The following LRFN5 variants were observed in gnomAD, a reference collection of about 807,000 sequenced individuals.
LRFN5 encodes the protein leucine-rich repeat and fibronectin type-III domain-containing protein 5.
LRFN5 carries 24 observed loss-of-function variants against 45.6 expected under a neutral mutation model. That is an observed-to-expected ratio of 0.53 (90% confidence interval 0.38 to 0.74). The LOEUF (loss-of-function observed/expected upper bound fraction) is 0.74, where lower values mean the gene tolerates loss of function less well. Ranked by LOEUF, LRFN5 falls within the 30% of genes least tolerant of loss-of-function variation. The pLI is 0.00. For missense variants in LRFN5, 776 were observed against 861.5 expected (o/e 0.90, Z 1.24); for synonymous variants, 340 against 313.8 (o/e 1.08, Z -0.88).
At chr14:41,644,724 G>T (rs988545284) in intron 1 of LRFN5, among the ~76,000 whole-genome samples, 3 of 152,138 alleles carry the variant, frequency 2.0e-5, no homozygotes, top group Admixed American at 2.0e-4. Flanking sequence ...TCCTTCCCCT[G>T]TGTCCTCCAA....
chr14:41,716,057 C>T (rs1256230520), intron 1 of LRFN5, among the ~76,000 whole-genome samples: 1 of 152,178 alleles, frequency 6.6e-6, no homozygotes, highest in East Asian at 1.9e-4. Flanking sequence ...GGCTTGCACC[C>T]TATGAAGCCA....
intron 1 of LRFN5, among the ~76,000 whole-genome samples, chr14:41,649,278 T>C (rs1879973140): frequency 6.8e-6 from 1 of 146,778 alleles, no homozygotes; most frequent in East Asian, 2.0e-4. Context: ...CCAGTAAGTA[T>C]ATCAATTTAG....
At chr14:41,892,437 A>G in intron 4 of LRFN5, 6 of 984,524 alleles carry the variant, frequency 6.1e-6, no homozygotes, top group Non-Finnish European at 7.2e-6. Context: ...AGGACTAGCA[A>G]CAGCAGATTA....
chr14:41,823,665 T>A (rs1888202513), intron 2 of LRFN5, among the ~76,000 whole-genome samples: 1 of 152,216 alleles, frequency 6.6e-6, no homozygotes, highest in African/African-American at 2.4e-5. Flanking sequence ...GTTTTTGAGT[T>A]TCTTGTATCT....
At chr14:41,738,164 C>G (rs534031730) in intron 1 of LRFN5, among the ~76,000 whole-genome samples, 38 of 152,228 alleles carry the variant, frequency 2.5e-4, no homozygotes, top group African/African-American at 8.9e-4. Flanking sequence ...ACCAATGGAA[C>G]AAAACAGAAG....
intron 2 of LRFN5, among the ~76,000 whole-genome samples, chr14:41,835,238 C>T (rs1297486095): frequency 1.3e-5 from 2 of 152,112 alleles, no homozygotes; most frequent in African/African-American, 4.8e-5. Context: ...TACAGGACAT[C>T]ATTTTTGCAA....
chr14:41,790,568 G>A (rs1203327357), intron 2 of LRFN5, among the ~76,000 whole-genome samples: 1 of 109,208 alleles, frequency 9.2e-6, no homozygotes, highest in Non-Finnish European at 1.8e-5. Context: ...TACATGTAAG[G>A]CTAATTTTGT....
intron 2 of LRFN5, among the ~76,000 whole-genome samples, chr14:41,794,490 A>G (rs1022674447): frequency 2.0e-5 from 3 of 151,962 alleles, no homozygotes; most frequent in East Asian, 3.9e-4. Flanking sequence ...TATCTTGGCA[A>G]TTACTAAACT....
At position 41,635,755 on chromosome 14, in the gene LRFN5, C is replaced by G. The variant is rs534977182; in HGVS notation, c.-197+27193C>G. Among the ~76,000 whole-genome samples, 14 of 152,214 alleles carry G rather than the reference C, an allele frequency of 9.2e-5. No homozygotes were observed. In the East Asian group the frequency reaches 2.5e-3, roughly 27 times the overall value. ...CCAAATCATGTTTGGGTATAAGGAACAGTCTCACTACTGCTTCAGTATAGG... is the reference window on the plus strand; with the variant it reads ...CCAAATCATGTTTGGGTATAAGGAAGAGTCTCACTACTGCTTCAGTATAGG... On this transcript the variant is annotated intron_variant, in intron 1 of 5. Transcript: ENST00000298119.
intron 2 of LRFN5, among the ~76,000 whole-genome samples, chr14:41,805,396 T>A (rs1566454238): frequency 6.9e-6 from 1 of 144,178 alleles, no homozygotes; most frequent in African/African-American, 2.7e-5. Flanking sequence ...TTTATTTTAT[T>A]TATTTATTTA....
intron 2 of LRFN5, among the ~76,000 whole-genome samples, chr14:41,813,216 G>C (rs1396277766): frequency 6.6e-6 from 1 of 151,974 alleles, no homozygotes; most frequent in Non-Finnish European, 1.5e-5. Flanking sequence ...TTTTATTACA[G>C]TTTAAGTTCT....
At chr14:41,805,279 A>G (rs1230801038) in intron 2 of LRFN5, among the ~76,000 whole-genome samples, 1 of 151,226 alleles carries the variant, frequency 6.6e-6, no homozygotes, top group East Asian at 1.9e-4. Flanking sequence ...TTAGATTTTT[A>G]TTTTTATATA....
intron 2 of LRFN5, among the ~76,000 whole-genome samples, chr14:41,802,604 A>G (rs862533): frequency 0.36 from 55,101 of 152,050 alleles, 10,680 homozygotes; most frequent in East Asian, 0.69. Context: ...GAATAATTTA[A>G]TAGGCTAGGA....
intron 1 of LRFN5, among the ~76,000 whole-genome samples, chr14:41,684,110 A>G (rs1156727727): frequency 6.6e-6 from 1 of 152,202 alleles, no homozygotes; most frequent in Admixed American, 6.6e-5. Context: ...GGAACAGAAT[A>G]GAGAATCCAG....
At chr14:41,799,756 C>T (rs1281216466) in intron 2 of LRFN5, among the ~76,000 whole-genome samples, 1 of 151,900 alleles carries the variant, frequency 6.6e-6, no homozygotes, top group African/African-American at 2.4e-5. Context: ...GTTCTCTGTC[C>T]TTTGGAATTG....
intron 2 of LRFN5, among the ~76,000 whole-genome samples, chr14:41,769,747 G>C (rs895284521): frequency 2.0e-5 from 3 of 151,962 alleles, no homozygotes; most frequent in African/African-American, 7.3e-5. Flanking sequence ...GACATTATTT[G>C]AAAGTGGCTT....
chr14:41,638,134 C>T (rs961728805), intron 1 of LRFN5, among the ~76,000 whole-genome samples: 2 of 151,946 alleles, frequency 1.3e-5, no homozygotes. Flanking sequence ...ATAACAGCAC[C>T]CCAATTTCTC....
At chr14:41,703,854 G>C (rs1381204375) in intron 1 of LRFN5, among the ~76,000 whole-genome samples, 1 of 149,592 alleles carries the variant, frequency 6.7e-6, no homozygotes, top group Non-Finnish European at 1.5e-5. Context: ...TGTTTTCTTT[G>C]GGGACTTTGA....
intron 2 of LRFN5, among the ~76,000 whole-genome samples, chr14:41,841,713 AT>A (rs1260831758): frequency 6.6e-6 from 1 of 151,712 alleles, no homozygotes; most frequent in Non-Finnish European, 1.5e-5. Flanking sequence ...CTCATTTTTT[AT>A]GAGTATACTA....
Sources: allele counts gnomAD v4.1 joint callset (sites outside exome capture counted in the v4.1 genomes callset), GRCh38; gene constraint gnomAD v4.1.1; transcripts MANE v1.5; gene names NCBI Gene and HGNC (gene_info 2026-07-23, HGNC 2026-07-21).